The following HK1 variants were observed in gnomAD, a reference collection of about 807,000 sequenced individuals.
HK1 encodes hexokinase 1, also known as hexokinase-1.
Under a neutral mutation model 91.6 loss-of-function variants are expected in HK1, and 28 were observed. The ratio of observed to expected loss-of-function variants is 0.31; its 90% confidence interval spans 0.23 to 0.42. The LOEUF (loss-of-function observed/expected upper bound fraction) is 0.42, where lower values mean the gene tolerates loss of function less well. Among genes scored for constraint, HK1 ranks in the 10% least tolerant of loss-of-function variants. HK1 has a pLI of 1.00. For missense variants in HK1, 770 were observed against 1,219.8 expected, an observed-to-expected ratio of 0.63 and a Z score of 5.49; for synonymous variants, 430 against 468.1, an observed-to-expected ratio of 0.92 and a Z score of 1.05.
At chr10:69,316,096 G>A, upstream of HK1, 2 of 1,130,586 alleles carry the variant, frequency 1.8e-6, no homozygotes. Context: ...GGTGAGTGGA[G>A]AAGGCAGGGC....
chr10:69,369,119 T>G lies in HK1; in HGVS notation c.592-118T>G, dbSNP rs2305198. ...TGAGTACCAGCTGTAATGAAACCAG[T>G]ACCACTCACAAAAGCAGGGGTTCTG... On this transcript the variant is annotated intron_variant, in intron 5 of 17. Transcript: ENST00000359426. This position sits in a 1 kb window ranked among gnomAD's most constrained non-coding sequence, Gnocchi z 4.4. 4.0e-6 allele frequency: 3 copies of G among 746,840 alleles called. No individual in the cohort carries two copies. The highest frequency in any genetic ancestry group is 4.8e-6 in the Non-Finnish European group (2 of 413,104). The allele number at this position is 746,840 out of a possible 1,614,324, so 46.3% of individuals were successfully genotyped here.
At chr10:69,348,032 C>T (rs536001502) in intron 2 of HK1, among the ~76,000 whole-genome samples, 4 of 152,160 alleles carry the variant, frequency 2.6e-5, no homozygotes, top group Admixed American at 1.3e-4. Context: ...CTCCCCCATT[C>T]GCGAAGTGTC....
chr10:69,338,566 C>T (rs1848118639), intron 1 of HK1: 1 of 1,289,722 alleles, frequency 7.8e-7, no homozygotes, highest in Non-Finnish European at 1.0e-6. Flanking sequence ...CTCCCCAACT[C>T]CCAAATGGAG....
chr10:69,312,701 A>G (rs1194377999), upstream of HK1, among the ~76,000 whole-genome samples: 1 of 152,172 alleles, frequency 6.6e-6, no homozygotes, highest in Non-Finnish European at 1.5e-5. Flanking sequence ...ACAGACAGGC[A>G]TTTTATCCCT....
chr10:69,401,557 C>T lies in HK1; in HGVS notation c.*422C>T. 2.9e-6 allele frequency: 1 copy of T among 349,918 alleles called. No individual in the cohort carries two copies. The highest frequency in any genetic ancestry group is 5.6e-6 in the Non-Finnish European group (1 of 178,324). 21.7% of individuals were successfully genotyped at this position (349,918 alleles called of 1,614,324 possible). On this transcript the variant is annotated 3_prime_UTR_variant, in exon 18 of 18. Transcript: ENST00000359426. Reference sequence around the variant, plus strand: ...AATGTATTATCACCAGCAGACACTGCCGGGCCTCCCTCCCGGGGGCACTGC... The same window carrying T: ...AATGTATTATCACCAGCAGACACTGTCGGGCCTCCCTCCCGGGGGCACTGC...
At chr10:69,294,411 G>A (rs1016374750) in intron 3 of HK1, among the ~76,000 whole-genome samples, 1 of 152,170 alleles carries the variant, frequency 6.6e-6, no homozygotes, top group Non-Finnish European at 1.5e-5. Flanking sequence ...AAATTTGTGA[G>A]GCAAAGGAAG....
intron 1 of HK1, among the ~76,000 whole-genome samples, chr10:69,332,914 C>T (rs894279888): frequency 6.6e-6 from 1 of 152,098 alleles, no homozygotes; most frequent in African/African-American, 2.4e-5. Flanking sequence ...TGAGCCTGGG[C>T]AGGGGTCCTG....
chr10:69,325,158 T>C (rs1326628651), intron 1 of HK1, among the ~76,000 whole-genome samples: 1 of 150,600 alleles, frequency 6.6e-6, no homozygotes, highest in Non-Finnish European at 1.5e-5. Context: ...TTCTCGCCAT[T>C]CTCCTGCCTC....
chr10:69,299,587 G>A (rs192191866), intron 4 of HK1, among the ~76,000 whole-genome samples: 1 of 151,492 alleles, frequency 6.6e-6, no homozygotes, highest in African/African-American at 2.4e-5. Context: ...AGTTGGTCTC[G>A]AACTCCTGAC....
intron 15 of HK1, among the ~76,000 whole-genome samples, chr10:69,394,156 G>C (rs1480394522): frequency 6.6e-6 from 1 of 152,200 alleles, no homozygotes; most frequent in African/African-American, 2.4e-5. Context: ...TGGGACACTG[G>C]GCTTGGGCAT....
chr10:69,394,808 C>T (rs117056999), intron 15 of HK1, 142 bp from the exon 16 acceptor site: 21,099 of 806,266 alleles, frequency 0.026, 386 homozygotes, highest in Non-Finnish European at 0.036. Flanking sequence ...TCTGCCTCTG[C>T]GGCAGAGCAC....
intron 14 of HK1, among the ~76,000 whole-genome samples, chr10:69,390,680 C>T (rs1462356952): frequency 6.6e-6 from 1 of 152,150 alleles, no homozygotes; most frequent in African/African-American, 2.4e-5. Context: ...TTGTGCCCTC[C>T]CGATGAAAGT....
rs145252388 is a variant in HK1, at chr10:69,342,614, G to A, written c.64-1213G>A. Among the ~76,000 whole-genome samples, 81 of 152,312 alleles carry A rather than the reference G, an allele frequency of 5.3e-4. 1 individual carries two copies. In the Middle Eastern group the frequency reaches 0.014, roughly 26 times the overall value. On this transcript the variant is annotated intron_variant, in intron 1 of 17. Transcript: ENST00000359426. ...CTTGGCAGTGGGGAGGCATTGCAAG[G>A]CTTTGGGCAGAGGCATGACTTGATT...
chr10:69,376,891 C>T (rs767550027), intron 7 of HK1, 43 bp from the exon 8 acceptor site: 181 of 1,610,446 alleles, frequency 1.1e-4, no homozygotes, highest in Middle Eastern at 1.0e-3. Flanking sequence ...GTGTGTGGGG[C>T]GCAGAGGAAG....
intron 1 of HK1, among the ~76,000 whole-genome samples, chr10:69,342,162 AAAACAAACAAACAAAC>A (rs33984080): frequency 8.5e-5 from 12 of 141,020 alleles, no homozygotes; most frequent in African/African-American, 3.2e-4. Flanking sequence ...ACCAACCCCA[AAAACAAACAAACAAAC>A]AAACAAACAA....
intron 8 of HK1, among the ~76,000 whole-genome samples, chr10:69,377,600 G>A (rs1839180319): frequency 6.6e-6 from 1 of 151,772 alleles, no homozygotes; most frequent in Non-Finnish European, 1.5e-5. Flanking sequence ...AATAGGATTG[G>A]GAATATGGCA....
intron 2 of HK1, among the ~76,000 whole-genome samples, chr10:69,346,240 G>A (rs774162182): frequency 1.2e-4 from 18 of 152,200 alleles, no homozygotes; most frequent in Non-Finnish European, 2.4e-4. Context: ...TTCAACTGTA[G>A]TAATTAGTGA....
intron 2 of HK1, among the ~76,000 whole-genome samples, chr10:69,346,532 G>A (rs1245804818): frequency 6.6e-6 from 1 of 151,582 alleles, no homozygotes; most frequent in Non-Finnish European, 1.5e-5. Flanking sequence ...TGGGCAGTGA[G>A]GTTTTTGTTT....
chr10:69,322,846 C>T (rs1395362345), intron 1 of HK1, among the ~76,000 whole-genome samples: 7 of 150,316 alleles, frequency 4.7e-5, no homozygotes, highest in Non-Finnish European at 8.8e-5. Flanking sequence ...GCCGAGATCA[C>T]GCCATTGCAC....
Sources: allele counts gnomAD v4.1 joint callset (sites outside exome capture counted in the v4.1 genomes callset), GRCh38; gene constraint gnomAD v4.1.1; non-coding constraint Gnocchi (gnomAD v3.1); transcripts MANE v1.5; gene names NCBI Gene and HGNC (gene_info 2026-07-23, HGNC 2026-07-21).